Variants in RBPMS observed in about 807,000 individuals in gnomAD.
RBPMS encodes RNA-binding protein with multiple splicing.
In RBPMS, 7 loss-of-function variants were observed where a neutral mutation model predicts 26.8. The observed-to-expected ratio is 0.26, with a 90% CI of 0.15 to 0.49. The LOEUF is 0.49. Among genes scored for constraint, RBPMS ranks in the 20% least tolerant of loss-of-function variants. The pLI, the probability that RBPMS is intolerant of heterozygous loss-of-function variation, is 0.98. For missense variants in RBPMS, 186 were observed against 250.0 expected (o/e 0.74, Z 1.73); for synonymous variants, 96 against 93.3 (o/e 1.03, Z -0.17).
intron 8 of RBPMS, among the ~76,000 whole-genome samples, chr8:30,568,608 T>C (rs568868590): frequency 6.6e-6 from 1 of 152,320 alleles, no homozygotes; most frequent in Non-Finnish European, 1.5e-5. Context: ...TCCCATCACC[T>C]GTATGTCATA....
At chr8:30,518,686 A>ATTTTTTTTTTT (rs1563402271) in intron 5 of RBPMS, among the ~76,000 whole-genome samples, 1 of 8,100 alleles carries the variant, frequency 1.2e-4, no homozygotes, top group African/African-American at 3.2e-4. Context: ...GCCAAGCATG[A>ATTTTTTTTTTT]CTTTTTTTTT....
intron 1 of RBPMS, among the ~76,000 whole-genome samples, chr8:30,393,365 C>A (rs1808015785): frequency 6.6e-6 from 1 of 151,796 alleles, no homozygotes; most frequent in African/African-American, 2.4e-5. Flanking sequence ...AAGGAAAGAT[C>A]AAGCTACCAT....
rs368015239 is a variant in RBPMS, at chr8:30,470,622, A to G, written c.67-4157A>G. ...AAAATTATTTCCCCCTTGTCAATCT[A>G]TTCTACTAGAGGAAAGAATATCTCA... is the stretch of plus-strand genomic sequence containing the variant. On this transcript the variant is annotated intron_variant, in intron 1 of 8. Coordinates refer to ENST00000397323, the MANE Select transcript of RBPMS (RefSeq NM_001008710.3). Among the ~76,000 whole-genome samples, 33 of 152,288 alleles carry G rather than the reference A, an allele frequency of 2.2e-4. 1 individual carries two copies. In the South Asian group the frequency reaches 2.5e-3, roughly 11 times the overall value.
intron 7 of RBPMS, among the ~76,000 whole-genome samples, chr8:30,562,349 A>T (rs1358733223): frequency 2.7e-5 from 4 of 147,518 alleles, no homozygotes; most frequent in Admixed American, 6.7e-5. Flanking sequence ...AAAAAAGAGT[A>T]TGTAATGTCT....
intron 1 of RBPMS, among the ~76,000 whole-genome samples, chr8:30,470,951 A>G (rs1339888742): frequency 6.6e-6 from 1 of 152,220 alleles, no homozygotes; most frequent in Non-Finnish European, 1.5e-5. Flanking sequence ...TTTCCTCCAT[A>G]AACTTTATAA....
chr8:30,442,351 G>A (rs1435420690), intron 1 of RBPMS, among the ~76,000 whole-genome samples: 1 of 151,992 alleles, frequency 6.6e-6, no homozygotes, highest in East Asian at 1.9e-4. Flanking sequence ...AGTCTCAGTC[G>A]CTTTTCACCT....
chr8:30,470,385 A>G (rs1816961237), intron 1 of RBPMS, among the ~76,000 whole-genome samples: 1 of 152,068 alleles, frequency 6.6e-6, no homozygotes, highest in African/African-American at 2.4e-5. Context: ...TTCCATCTAA[A>G]AAAAAAAAAT....
At chr8:30,546,949 G>A (rs1417415005) in intron 6 of RBPMS, among the ~76,000 whole-genome samples, 1 of 152,166 alleles carries the variant, frequency 6.6e-6, no homozygotes. Flanking sequence ...CCACTCCGAG[G>A]TGCTGGCTCA....
At chr8:30,429,933 A>G (rs1240894863) in intron 1 of RBPMS, among the ~76,000 whole-genome samples, 1 of 152,218 alleles carries the variant, frequency 6.6e-6, no homozygotes, top group Non-Finnish European at 1.5e-5. Context: ...AATACTTTTG[A>G]TTATAGCCAT....
chr8:30,427,622 ATGT>A (rs532926010), intron 1 of RBPMS, among the ~76,000 whole-genome samples: 3 of 152,064 alleles, frequency 2.0e-5, no homozygotes, highest in Non-Finnish European at 4.4e-5. Context: ...CATACATATC[ATGT>A]TGTAATTATT....
chr8:30,469,591 G>C (rs113524636), intron 1 of RBPMS, among the ~76,000 whole-genome samples: 1 of 152,188 alleles, frequency 6.6e-6, no homozygotes, highest in Non-Finnish European at 1.5e-5. Context: ...TTCATCTCTT[G>C]AACTTCTATG....
At chr8:30,388,762 G>T (rs903339062) in intron 1 of RBPMS, among the ~76,000 whole-genome samples, 20 of 151,932 alleles carry the variant, frequency 1.3e-4, no homozygotes, top group Non-Finnish European at 2.9e-4. Flanking sequence ...TACTTTTCAG[G>T]CTGATTGTAA....
At chr8:30,551,169 C>T (rs1403110386) in intron 6 of RBPMS, among the ~76,000 whole-genome samples, 1 of 145,916 alleles carries the variant, frequency 6.9e-6, no homozygotes, top group East Asian at 2.2e-4. Flanking sequence ...CCACCTCTTC[C>T]GTCATTTGCA....
At chr8:30,425,446 G>C (rs1190435638) in intron 1 of RBPMS, among the ~76,000 whole-genome samples, 1 of 152,028 alleles carries the variant, frequency 6.6e-6, no homozygotes, top group Non-Finnish European at 1.5e-5. Context: ...TGTTGCCCAG[G>C]CTGGAGTGCA....
chr8:30,563,971 CGGTGAGCAGCTGCAGCGTCCT>C (rs371071693), intron 7 of RBPMS: 1 of 152,364 alleles, frequency 6.6e-6, no homozygotes, highest in Non-Finnish European at 1.5e-5. Context: ...AAGGCTAATA[CGGTGAGCAGCTGCAGCGTCCT>C]GGGGAGGAGA....
At chr8:30,428,537 A>AAAT (rs1219278687) in intron 1 of RBPMS, among the ~76,000 whole-genome samples, 3 of 152,222 alleles carry the variant, frequency 2.0e-5, no homozygotes, top group Non-Finnish European at 4.4e-5. Flanking sequence ...AGAAACTCTT[A>AAAT]AAAATAACCC....
chr8:30,562,309 C>T (rs559780474), intron 7 of RBPMS, among the ~76,000 whole-genome samples: 1 of 138,894 alleles, frequency 7.2e-6, no homozygotes, highest in East Asian at 2.1e-4. Flanking sequence ...CTGGCCTGGG[C>T]GACAGAGCAA....
chr8:30,488,188 A>G (rs1819000381), intron 4 of RBPMS, among the ~76,000 whole-genome samples: 1 of 152,218 alleles, frequency 6.6e-6, no homozygotes, highest in African/African-American at 2.4e-5. Flanking sequence ...TAAAGAGTTA[A>G]ATTTGTAAAC....
chr8:30,558,891 G>A lies in RBPMS; in HGVS notation c.533G>A (p.Arg178His), dbSNP rs747948477. 19 of 1,613,806 alleles carry A rather than the reference G, an allele frequency of 1.2e-5. No homozygotes were observed. The highest frequency in any genetic ancestry group is 2.2e-5 in the East Asian group (1 of 44,886). ...CCTTCTCCCATGTCTTTTCAGATGC[G>A]CTGGCTCCCTCCCTCCGAGGCTACT... ...TYPASLHAQM[R>H]WLPPSEATSQ... Residue 178 changes from arginine (R) to histidine (H), a missense_variant, in exon 7 of 9, where the codon CGC (arginine) becomes CAC (histidine). Arg to His is a conservative substitution (Grantham distance 29). Around this residue, in one of 3 missense-constraint regions of RBPMS, gnomAD observed 98 missense variants for 113.6 expected, o/e 0.86. Coordinates refer to ENST00000397323, the MANE Select transcript of RBPMS (RefSeq NM_001008710.3).
Sources: gnomAD v4.1 joint callset for allele counts (sites outside exome capture counted in the v4.1 genomes callset) on GRCh38, gnomAD v4.1.1 for gene constraint, gnomAD v4.1.1 regional missense constraint, MANE v1.5 for transcripts, NCBI Gene and HGNC (gene_info 2026-07-23, HGNC 2026-07-21) for gene names.